CPE: variants seen among roughly 807,000 people sequenced by gnomAD.
CPE encodes the protein carboxypeptidase E.
Under a neutral mutation model 53.5 loss-of-function variants are expected in CPE, and 17 were observed. The observed-to-expected ratio is 0.32, with a 90% CI of 0.22 to 0.48. The LOEUF is 0.48. CPE is among the 20% of genes least tolerant of loss of function. The pLI, the probability that CPE is intolerant of heterozygous loss-of-function variation, is 0.99. For missense variants in CPE, 524 were observed against 614.7 expected (o/e 0.85, Z 1.56); for synonymous variants, 226 against 228.8 (o/e 0.99, Z 0.11).
chr4:165,481,095 A>G (rs927700157), intron 3 of CPE, among the ~76,000 whole-genome samples: 1 of 150,408 alleles, frequency 6.6e-6, no homozygotes, highest in Non-Finnish European at 1.5e-5. Flanking sequence ...ACTCTAAATC[A>G]CACTTTTCCA....
intron 3 of CPE, among the ~76,000 whole-genome samples, chr4:165,479,762 C>T (rs940556071): frequency 2.0e-5 from 3 of 151,858 alleles, no homozygotes; most frequent in South Asian, 2.1e-4. Context: ...GAGGCCGAGG[C>T]GGGCGGATCA....
At chr4:165,431,017 G>T (rs1430040173) in intron 1 of CPE, among the ~76,000 whole-genome samples, 5 of 152,180 alleles carry the variant, frequency 3.3e-5, no homozygotes, top group Non-Finnish European at 5.9e-5. Context: ...TGGAGACTTT[G>T]TGATCATACC....
chr4:165,404,325 G>A, intron 1 of CPE: 1 of 771,806 alleles, frequency 1.3e-6, no homozygotes, highest in Non-Finnish European at 2.4e-6. Flanking sequence ...AATCTTGTCA[G>A]CAGGCGGAAC....
intron 1 of CPE, among the ~76,000 whole-genome samples, chr4:165,401,697 G>A (rs1012046084): frequency 1.3e-5 from 2 of 152,180 alleles, no homozygotes; most frequent in African/African-American, 4.8e-5. Context: ...GAGTGGAGGA[G>A]GGTTTATGTG....
At chr4:165,433,019 C>T (rs1731438777) in intron 1 of CPE, among the ~76,000 whole-genome samples, 1 of 152,202 alleles carries the variant, frequency 6.6e-6, no homozygotes, top group African/African-American at 2.4e-5. Context: ...GTTTAAAGCT[C>T]TCCATTGGCT....
At chr4:165,426,732 G>T (rs13111119) in intron 1 of CPE, among the ~76,000 whole-genome samples, 44,894 of 151,978 alleles carry the variant, frequency 0.3, 6,707 homozygotes, top group Middle Eastern at 0.39. Context: ...CAAATAATTT[G>T]ACACGGTTAA....
intron 1 of CPE, among the ~76,000 whole-genome samples, chr4:165,417,732 T>G (rs1731148330): frequency 6.6e-6 from 1 of 151,840 alleles, no homozygotes; most frequent in South Asian, 2.1e-4. Context: ...TCTAGGGCCT[T>G]AAGTTCAGTT....
intron 3 of CPE, among the ~76,000 whole-genome samples, chr4:165,468,175 C>T (rs970965246): frequency 6.6e-6 from 1 of 152,146 alleles, no homozygotes; most frequent in Non-Finnish European, 1.5e-5. Flanking sequence ...TACCCTGTTG[C>T]TCCTTTTCTC....
intron 3 of CPE, among the ~76,000 whole-genome samples, chr4:165,468,171 G>C (rs370717822): frequency 1.3e-5 from 2 of 152,250 alleles, no homozygotes; most frequent in African/African-American, 4.8e-5. Context: ...ATATTACCCT[G>C]TTGCTCCTTT....
At chr4:165,459,626 G>A (rs933199433) in intron 1 of CPE, among the ~76,000 whole-genome samples, 4 of 149,246 alleles carry the variant, frequency 2.7e-5, no homozygotes, top group South Asian at 2.1e-4. Flanking sequence ...AATGAAGGCC[G>A]GGCGTGGTGG....
At chr4:165,432,453 G>A (rs1560880498) in intron 1 of CPE, among the ~76,000 whole-genome samples, 2 of 152,048 alleles carry the variant, frequency 1.3e-5, no homozygotes. Context: ...GTGCCACCAT[G>A]CCTGGCTAAG....
At chr4:165,418,434 A>G (rs1041589469) in intron 1 of CPE, 2 of 152,240 alleles carry the variant, frequency 1.3e-5, no homozygotes, top group African/African-American at 4.8e-5. Context: ...CTATAAAATT[A>G]TCCATCTGTA....
chr4:165,428,349 T>C (rs141152809), intron 1 of CPE, among the ~76,000 whole-genome samples: 2 of 152,364 alleles, frequency 1.3e-5, no homozygotes, highest in East Asian at 3.9e-4. Flanking sequence ...CTGGCTGTCC[T>C]GTATTTTCTT....
At chr4:165,450,843 G>A (rs150199996) in intron 1 of CPE, among the ~76,000 whole-genome samples, 163 of 152,318 alleles carry the variant, frequency 1.1e-3, no homozygotes, top group African/African-American at 3.6e-3. Context: ...CTTTGAATGC[G>A]TGGGCACTCA....
chr4:165,390,105 T>G (rs995515643), intron 1 of CPE, among the ~76,000 whole-genome samples: 2 of 152,202 alleles, frequency 1.3e-5, no homozygotes, highest in African/African-American at 4.8e-5. Context: ...AGGCAAATAG[T>G]TATATCAATC....
rs761892715 is a variant in CPE, at chr4:165,493,720, TCA to T, written c.1213+455_1213+456del. Among the ~76,000 whole-genome samples, 92 of 152,330 alleles carry T rather than the reference TCA, an allele frequency of 6.0e-4. 1 individual carries two copies. Among genetic ancestry groups the T allele is most frequent in the Admixed American group, 1.3e-3 (20 of 15,302 alleles). On this transcript the variant is annotated intron_variant, in intron 7 of 8. Coordinates refer to ENST00000402744, the MANE Select transcript of CPE (RefSeq NM_001873.4). ...CTGCGGGTTGTGTGTCTAAAAATTC[TCA>T]CACAGTTTTTCATTTAATCCGTATA...
At chr4:165,436,071 C>A (rs1304926642) in intron 1 of CPE, among the ~76,000 whole-genome samples, 2 of 152,058 alleles carry the variant, frequency 1.3e-5, no homozygotes, top group Non-Finnish European at 2.9e-5. Flanking sequence ...TTTAGAAACC[C>A]TAGCACTCTG....
intron 3 of CPE, among the ~76,000 whole-genome samples, chr4:165,480,995 G>GAGATATATATATATATAT (rs1422332791): frequency 2.2e-4 from 29 of 132,114 alleles, no homozygotes; most frequent in African/African-American, 8.3e-4. Flanking sequence ...TTCTACAATG[G>GAGATATATATATATATAT]ATATATATAT....
rs978950043 is a variant in CPE at position 165,497,692 on chromosome 4, G to C, written c.*82G>C. The C allele has an allele frequency of 6.2e-5, 38 of 608,764 alleles. No homozygotes were observed. The African/African-American group carries it at 7.2e-4, about 12-fold the overall frequency. The allele number at this position is 608,764 out of a possible 1,614,324, so 37.7% of individuals were successfully genotyped here. On this transcript the variant is annotated 3_prime_UTR_variant, in exon 9 of 9. Transcript: ENST00000402744. ...TGGTCTTTTTTTTAGATTTTGTGCA[G>C]TTAATACTTAACATTGATTTATTTT...
Sources: allele counts gnomAD v4.1 joint callset (sites outside exome capture counted in the v4.1 genomes callset), GRCh38; gene constraint gnomAD v4.1.1; transcripts MANE v1.5; gene names NCBI Gene and HGNC (gene_info 2026-07-23, HGNC 2026-07-21).